The following ARSB variants were observed in gnomAD, a reference collection of about 807,000 sequenced individuals.
ARSB encodes the protein N-acetylgalactosamine-4-sulfatase.
ARSB carries 41 observed loss-of-function variants against 50.9 expected under a neutral mutation model. The observed-to-expected ratio is 0.81, with a 90% confidence interval of 0.63 to 1.04. The LOEUF is 1.04. Among genes scored for constraint, ARSB ranks in the 50% least tolerant of loss-of-function variants. ARSB has a pLI of 0.00. For synonymous variants in ARSB, 269 were observed against 284.8 expected, an observed-to-expected ratio of 0.94 and a Z score of 0.56; for missense variants, 672 against 693.3, an observed-to-expected ratio of 0.97 and a Z score of 0.35.
chr5:78,802,004 C>T (rs146451919), intron 6 of ARSB, among the ~76,000 whole-genome samples: 1 of 152,186 alleles, frequency 6.6e-6, no homozygotes, highest in Non-Finnish European at 1.5e-5. Context: ...TCTCATCTCA[C>T]CCCACTGCTC....
chr5:78,920,951 C>A (rs1251505711), intron 4 of ARSB, among the ~76,000 whole-genome samples: 1 of 152,124 alleles, frequency 6.6e-6, no homozygotes, highest in Non-Finnish European at 1.5e-5. Flanking sequence ...TTTACAAACT[C>A]CTGGATCAGA....
chr5:78,852,009 T>C (rs1381836064), intron 5 of ARSB, among the ~76,000 whole-genome samples: 1 of 152,240 alleles, frequency 6.6e-6, no homozygotes, highest in African/African-American at 2.4e-5. Context: ...CTTGACTCTT[T>C]ATCCAATTTG....
chr5:78,833,849 A>C (rs1744804166), intron 6 of ARSB, among the ~76,000 whole-genome samples: 1 of 152,214 alleles, frequency 6.6e-6, no homozygotes, highest in Admixed American at 6.5e-5. Context: ...GGGAGCGATG[A>C]GGGTGGGCAC....
At chr5:78,871,510 C>T (rs1007329500) in intron 5 of ARSB, among the ~76,000 whole-genome samples, 63 of 150,594 alleles carry the variant, frequency 4.2e-4, no homozygotes, top group South Asian at 1.9e-3. Flanking sequence ...GAAATAACGC[C>T]GCTTACCTAC....
intron 6 of ARSB, among the ~76,000 whole-genome samples, chr5:78,826,053 CT>C (rs35428296): frequency 0.011 from 1,667 of 145,098 alleles, 20 homozygotes; most frequent in African/African-American, 0.031. Context: ...CTTTTTCTTT[CT>C]TTTTTTTTTT....
intron 6 of ARSB, among the ~76,000 whole-genome samples, chr5:78,783,144 T>C (rs1748972802): frequency 6.6e-6 from 1 of 152,180 alleles, no homozygotes; most frequent in Non-Finnish European, 1.5e-5. Context: ...GCTTTTCAAA[T>C]ATGGTCACAG....
At chr5:78,947,042 T>A (rs1053250472) in intron 4 of ARSB, among the ~76,000 whole-genome samples, 1 of 152,100 alleles carries the variant, frequency 6.6e-6, no homozygotes, top group Non-Finnish European at 1.5e-5. Context: ...GATAGTCTCT[T>A]CAATAAATGG....
intron 4 of ARSB, among the ~76,000 whole-genome samples, chr5:78,892,969 G>A (rs1021598624): frequency 6.6e-6 from 1 of 152,136 alleles, no homozygotes; most frequent in Non-Finnish European, 1.5e-5. Flanking sequence ...ATACGGTTTG[G>A]CTGTGTCCCT....
At chr5:78,816,252 C>T in intron 6 of ARSB, 1 of 1,529,414 alleles carries the variant, frequency 6.5e-7, no homozygotes. Context: ...AGGACTGTCT[C>T]CTTCATTATT....
chr5:78,985,112 T>C lies in ARSB; in HGVS notation c.137A>G (p.His46Arg). Residue 46 changes from histidine to arginine, a missense_variant, in exon 1 of 8, where the codon CAC becomes CGC. Physicochemically the swap from His to Arg is conservative, Grantham distance 29 (BLOSUM62 0). Coordinates refer to ENST00000264914, the MANE Select transcript of ARSB (RefSeq NM_000046.5). Reference sequence around the variant, plus strand: ...GTCGTCTGCCAGCAAGAAGACCAGGTGGGGCGGCCGGCTGGCCCCGGCGCC... The same window carrying C: ...GTCGTCTGCCAGCAAGAAGACCAGGCGGGGCGGCCGGCTGGCCCCGGCGCC... The part of the protein sequence containing the change: ...GSGAGASRPP[H>R]LVFLLADDLG... 6.7e-7 allele frequency: 1 copy of C among 1,501,934 alleles called. No homozygotes were observed. The highest frequency in any genetic ancestry group is 8.9e-7 in the Non-Finnish European group (1 of 1,123,590). The allele number at this position is 1,501,934 out of a possible 1,614,324, so 93.0% of individuals were successfully genotyped here.
At chr5:78,892,886 A>C (rs567268421) in intron 4 of ARSB, among the ~76,000 whole-genome samples, 2 of 152,292 alleles carry the variant, frequency 1.3e-5, no homozygotes, top group Non-Finnish European at 2.9e-5. Context: ...AGCAAGGAGA[A>C]TGTCCAGCTG....
At chr5:78,785,087 C>T (rs886395069) in intron 6 of ARSB, among the ~76,000 whole-genome samples, 4 of 152,146 alleles carry the variant, frequency 2.6e-5, no homozygotes, top group Non-Finnish European at 5.9e-5. Context: ...CGTGAGTCAC[C>T]GCACCTGGCC....
At chr5:78,839,268 A>T in intron 6 of ARSB, 88 bp downstream of exon 6, 1 of 1,306,318 alleles carries the variant, frequency 7.7e-7, no homozygotes. Context: ...AGGAAAAAAG[A>T]GAAAGCTAGG....
At chr5:78,969,776 C>T (rs916152491) in intron 1 of ARSB, among the ~76,000 whole-genome samples, 1 of 152,082 alleles carries the variant, frequency 6.6e-6, no homozygotes, top group Non-Finnish European at 1.5e-5. Flanking sequence ...ACCACCATAC[C>T]TAACTAATTT....
intron 6 of ARSB, among the ~76,000 whole-genome samples, chr5:78,825,562 C>T (rs546785870): frequency 1.3e-5 from 2 of 152,246 alleles, no homozygotes; most frequent in South Asian, 4.1e-4. Context: ...TATATTCTAA[C>T]TTGTCCAAAA....
intron 4 of ARSB, among the ~76,000 whole-genome samples, chr5:78,913,225 C>T (rs1322893815): frequency 6.6e-5 from 10 of 151,744 alleles, no homozygotes; most frequent in Non-Finnish European, 1.0e-4. Context: ...CCCAGGTTCA[C>T]GCCATTCTCC....
chr5:78,862,972 A>T (rs1338103243), intron 5 of ARSB, among the ~76,000 whole-genome samples: 1 of 152,264 alleles, frequency 6.6e-6, no homozygotes, highest in Non-Finnish European at 1.5e-5. Flanking sequence ...TCTCAAAAGA[A>T]GACATTTATG....
chr5:78,817,322 T>C (rs60429876), intron 6 of ARSB, among the ~76,000 whole-genome samples: 5,254 of 152,284 alleles, frequency 0.035, 327 homozygotes, highest in African/African-American at 0.12. Flanking sequence ...TGGCAATTTA[T>C]GGTAAAAGCC....
intron 4 of ARSB, among the ~76,000 whole-genome samples, chr5:78,953,743 A>G (rs1044410853): frequency 6.6e-5 from 10 of 152,230 alleles, no homozygotes; most frequent in African/African-American, 2.4e-4. Flanking sequence ...TGAGAAAACC[A>G]AACCACTCTC....
Sources: gnomAD v4.1 joint callset for allele counts (sites outside exome capture counted in the v4.1 genomes callset) on GRCh38, gnomAD v4.1.1 for gene constraint, MANE v1.5 for transcripts, NCBI Gene and HGNC (gene_info 2026-07-23, HGNC 2026-07-21) for gene names.